The following TMEM132D variants were observed in gnomAD, a reference collection of about 807,000 sequenced individuals.
TMEM132D encodes transmembrane protein 132D.
TMEM132D carries 21 observed loss-of-function variants against 62.3 expected under a neutral mutation model. That is an observed-to-expected ratio of 0.34 (90% CI 0.24 to 0.49). The LOEUF is 0.49. Ranked by LOEUF, TMEM132D falls within the 20% of genes least tolerant of loss-of-function variation. The pLI, the probability that TMEM132D is intolerant of heterozygous loss-of-function variation, is 0.99. For synonymous variants in TMEM132D, 621 were observed against 575.6 expected (o/e 1.08, Z -1.13); for missense variants, 1,346 against 1,402.8 (o/e 0.96, Z 0.65).
rs75875269 is a variant in TMEM132D at position 129,345,414 on chromosome 12, C to T, written c.1116-7597G>A. ...ACAGCATCGATTCCAAAGAACTCAC[C>T]GCTAGAATGTATTCTCGAACACTGG... On this transcript the variant is annotated intron_variant, in intron 3 of 8. Coordinates refer to ENST00000422113, the MANE Select transcript of TMEM132D (RefSeq NM_133448.3). Among the ~76,000 whole-genome samples the T allele has an allele frequency of 8.0e-3, 1,218 of 152,228 alleles. 14 individuals carry two copies. Among genetic ancestry groups the T allele is most frequent in the African/African-American group, 0.029 (1,184 of 41,532 alleles).
intron 1 of TMEM132D, among the ~76,000 whole-genome samples, chr12:129,884,674 CA>C (rs1246126118): frequency 6.6e-6 from 1 of 152,184 alleles, no homozygotes; most frequent in Non-Finnish European, 1.5e-5. Context: ...GCAGAAATGC[CA>C]AATGGTTCAA....
chr12:129,512,204 G>A (rs1319979932), intron 3 of TMEM132D, among the ~76,000 whole-genome samples: 4 of 152,192 alleles, frequency 2.6e-5, no homozygotes, highest in Non-Finnish European at 4.4e-5. Context: ...GAGTTTCAGT[G>A]GCTCTCACCC....
chr12:129,568,785 G>C (rs141922065), intron 2 of TMEM132D, among the ~76,000 whole-genome samples: 2 of 152,080 alleles, frequency 1.3e-5, no homozygotes, highest in East Asian at 3.9e-4. Context: ...TTTGTTGTTT[G>C]GTTGGTTCAG....
chr12:129,337,422 T>C lies in TMEM132D; in HGVS notation c.1299+212A>G, dbSNP rs1465401923. ...AAATTGGTTTATATTTGTATAGATATAGATATAGATACACACACGCACACA... is the reference window on the plus strand; with the variant it reads ...AAATTGGTTTATATTTGTATAGATACAGATATAGATACACACACGCACACA... On this transcript the variant is annotated intron_variant, in intron 4 of 8. Coordinates refer to ENST00000422113, the MANE Select transcript of TMEM132D (RefSeq NM_133448.3). Among the ~76,000 whole-genome samples, 11 of 139,656 alleles carry C rather than the reference T, an allele frequency of 7.9e-5. No homozygotes were observed. The Admixed American group carries it at 8.0e-4, about 10-fold the overall frequency. The allele number at this position is 139,656 out of a possible 152,430, so 91.6% of individuals were successfully genotyped here.
chr12:129,483,048 C>G (rs1002910000), intron 3 of TMEM132D, among the ~76,000 whole-genome samples: 1 of 150,662 alleles, frequency 6.6e-6, no homozygotes, highest in African/African-American at 2.4e-5. Context: ...CCTTTTACTG[C>G]GAAATTCAAA....
chr12:129,300,034 C>T (rs928979955), intron 4 of TMEM132D, among the ~76,000 whole-genome samples: 5 of 152,214 alleles, frequency 3.3e-5, no homozygotes, highest in Non-Finnish European at 4.4e-5. Context: ...AAATAAACCT[C>T]ACACCTTTTC....
rs1271076363 is a variant in TMEM132D, at chr12:129,072,217, G to C, written c.*1658C>G. ...AGAGATACAGAGACAGACACACAGA[G>C]AGACTGGAAAACAGACAACTGAAGA... is the stretch of plus-strand genomic sequence containing the variant. On this transcript the variant is annotated 3_prime_UTR_variant, in exon 9 of 9. Coordinates refer to ENST00000422113, the MANE Select transcript of TMEM132D (RefSeq NM_133448.3). 1.3e-5 allele frequency: 2 copies of C among 152,448 alleles called. No individual in the cohort carries two copies. Among genetic ancestry groups the C allele is most frequent in the Non-Finnish European group, 2.9e-5 (2 of 68,124 alleles). The allele number at this position is 152,448 out of a possible 1,614,324, so 9.4% of individuals were successfully genotyped here. A position where few individuals can be genotyped will look rare whatever the true frequency, so the allele number is the denominator to read the frequency against.
intron 1 of TMEM132D, among the ~76,000 whole-genome samples, chr12:129,706,896 C>T (rs1881518796): frequency 6.6e-6 from 1 of 151,562 alleles, no homozygotes; most frequent in African/African-American, 2.4e-5. Context: ...TTACAAGCTG[C>T]TAATAATGGC....
At chr12:129,336,458 C>T (rs1869273738) in intron 4 of TMEM132D, among the ~76,000 whole-genome samples, 1 of 152,034 alleles carries the variant, frequency 6.6e-6, no homozygotes, top group Non-Finnish European at 1.5e-5. Flanking sequence ...CACCTGTAAT[C>T]CCAGCTACTG....
chr12:129,562,068 A>C (rs926371044), intron 2 of TMEM132D, among the ~76,000 whole-genome samples: 4 of 152,226 alleles, frequency 2.6e-5, no homozygotes, highest in Non-Finnish European at 5.9e-5. Flanking sequence ...TTACAGTGAA[A>C]CACTGAAATT....
rs1336461549 is a variant in TMEM132D, at chr12:129,525,226, G to GGTTTTTTTT, written c.1115+5832_1115+5833insAAAAAAAAC. Among the ~76,000 whole-genome samples, 13 of 67,392 alleles carry GGTTTTTTTT rather than the reference G, an allele frequency of 1.9e-4. 5 individuals are homozygous for GGTTTTTTTT. The highest frequency in any genetic ancestry group is 1.0e-4 in the African/African-American group (2 of 19,646). 44.2% of individuals were successfully genotyped at this position (67,392 alleles called of 152,430 possible). On this transcript the variant is annotated intron_variant, in intron 3 of 8. Transcript: ENST00000422113. ...GGGTATGAGCCACGGTGCCCAGCCG[G>GGTTTTTTTT]TTTTTTTTTTTTTTTTTTTTTTTTT...
intron 3 of TMEM132D, among the ~76,000 whole-genome samples, chr12:129,438,197 A>G (rs1489809542): frequency 6.6e-6 from 1 of 152,126 alleles, no homozygotes; most frequent in African/African-American, 2.4e-5. Flanking sequence ...TGCTGCAATA[A>G]ACATACGTGT....
intron 2 of TMEM132D, among the ~76,000 whole-genome samples, chr12:129,616,888 C>T (rs562061135): frequency 6.6e-6 from 1 of 152,312 alleles, no homozygotes; most frequent in East Asian, 1.9e-4. Flanking sequence ...TGAGCAAAAG[C>T]TGATGTAAGG....
At chr12:129,646,956 G>A (rs922951394) in intron 2 of TMEM132D, among the ~76,000 whole-genome samples, 1 of 151,656 alleles carries the variant, frequency 6.6e-6, no homozygotes, top group Non-Finnish European at 1.5e-5. Flanking sequence ...TCGCCACCAC[G>A]CTTGGCTAAT....
intron 5 of TMEM132D, among the ~76,000 whole-genome samples, chr12:129,130,648 G>C (rs554682575): frequency 6.6e-6 from 1 of 152,158 alleles, no homozygotes; most frequent in Non-Finnish European, 1.5e-5. Context: ...AGAGCATAGC[G>C]TCAGGCAGTG....
At chr12:129,238,802 T>A (rs1196823632) in intron 4 of TMEM132D, among the ~76,000 whole-genome samples, 1 of 152,220 alleles carries the variant, frequency 6.6e-6, no homozygotes, top group Non-Finnish European at 1.5e-5. Context: ...TGTCCGAATA[T>A]CCCTTTGTGA....
At chr12:129,232,917 A>T (rs1410619686) in intron 4 of TMEM132D, among the ~76,000 whole-genome samples, 1 of 152,062 alleles carries the variant, frequency 6.6e-6, no homozygotes, top group Non-Finnish European at 1.5e-5. Context: ...TATCATGAGA[A>T]CAGCACCGGG....
intron 3 of TMEM132D, among the ~76,000 whole-genome samples, chr12:129,410,939 G>A (rs1364941462): frequency 6.6e-6 from 1 of 151,980 alleles, no homozygotes; most frequent in African/African-American, 2.4e-5. Context: ...TATTTTATTA[G>A]TTTCTTATAT....
chr12:129,497,044 A>G (rs539107317), intron 3 of TMEM132D, among the ~76,000 whole-genome samples: 24 of 152,250 alleles, frequency 1.6e-4, no homozygotes, highest in African/African-American at 5.8e-4. Context: ...GCAGTGGCTC[A>G]CGCCTGTCAT....
Sources: allele counts gnomAD v4.1 joint callset (sites outside exome capture counted in the v4.1 genomes callset), GRCh38; gene constraint gnomAD v4.1.1; transcripts MANE v1.5; gene names NCBI Gene and HGNC (gene_info 2026-07-23, HGNC 2026-07-21).